The following FRMD4A variants were observed in gnomAD, a reference collection of about 807,000 sequenced individuals.
FRMD4A encodes the protein FERM domain containing 4A.
FRMD4A carries 29 observed loss-of-function variants against 129.1 expected under a neutral mutation model. The ratio of observed to expected loss-of-function variants is 0.22; its 90% CI spans 0.17 to 0.31. The LOEUF (loss-of-function observed/expected upper bound fraction) is 0.31. FRMD4A is among the 10% of genes least tolerant of loss of function. The pLI is 1.00. For synonymous variants in FRMD4A, 634 were observed against 571.6 expected (o/e 1.11, Z -1.56); for missense variants, 1,272 against 1,375.8 (o/e 0.92, Z 1.19).
chr10:13,890,661 G>A, intron 2 of FRMD4A: 2 of 985,372 alleles, frequency 2.0e-6, no homozygotes, highest in Non-Finnish European at 2.4e-6. Context: ...AAAGAAGCCA[G>A]AAACAGCAGT....
At chr10:14,212,871 T>A (rs1447520122) in intron 2 of FRMD4A, among the ~76,000 whole-genome samples, 3 of 152,186 alleles carry the variant, frequency 2.0e-5, no homozygotes, top group Non-Finnish European at 4.4e-5. Context: ...AAGAAGAAAG[T>A]GGAGTAGATT....
At chr10:14,129,957 TG>T (rs1839153661) in intron 2 of FRMD4A, among the ~76,000 whole-genome samples, 1 of 152,168 alleles carries the variant, frequency 6.6e-6, no homozygotes, top group Admixed American at 6.5e-5. Flanking sequence ...TTCCCTGTGG[TG>T]GCCCTCTTGG....
At chr10:14,235,087 C>T (rs1843757754) in intron 2 of FRMD4A, among the ~76,000 whole-genome samples, 3 of 151,954 alleles carry the variant, frequency 2.0e-5, no homozygotes, top group Admixed American at 6.6e-5. Context: ...GTTGTTTGGG[C>T]TGGCACAGTG....
At chr10:14,060,605 G>A in intron 2 of FRMD4A, among the ~76,000 whole-genome samples, 1 of 152,160 alleles carries the variant, frequency 6.6e-6, no homozygotes. Flanking sequence ...TGAACCTCAA[G>A]CAAAGTGCTT....
rs186828800 is a variant in FRMD4A at position 13,811,619 on chromosome 10, C to T, written c.112-711G>A. ...GCCAGTCTAAAGAAGCACACCAGAG[C>T]GTTAGGCATAAAGTCATGGTAGATG... On this transcript the variant is annotated intron_variant, in intron 3 of 24. Transcript: ENST00000357447. Among the ~76,000 whole-genome samples, 455 of 151,002 alleles carry T rather than the reference C, an allele frequency of 3.0e-3. 4 individuals are homozygous for T. Among genetic ancestry groups the T allele is most frequent in the African/African-American group, 0.01 (425 of 41,198 alleles).
At chr10:14,087,542 A>G (rs534401782) in intron 2 of FRMD4A, 1 of 152,234 alleles carries the variant, frequency 6.6e-6, no homozygotes, top group South Asian at 2.1e-4. Context: ...TCTCAGACCC[A>G]CAGAGCCAGT....
chr10:13,990,912 T>G (rs183715369), intron 2 of FRMD4A, among the ~76,000 whole-genome samples: 62 of 151,926 alleles, frequency 4.1e-4, no homozygotes, highest in African/African-American at 1.4e-3. Context: ...TTCTTGAAAA[T>G]TAAACAAATC....
At chr10:14,325,087 C>T (rs983797965) in intron 2 of FRMD4A, among the ~76,000 whole-genome samples, 6 of 152,282 alleles carry the variant, frequency 3.9e-5, no homozygotes, top group Middle Eastern at 3.4e-3. Flanking sequence ...TGAGGACATC[C>T]GGTGGGACAA....
At chr10:13,776,041 C>T (rs1197373950) in intron 6 of FRMD4A, among the ~76,000 whole-genome samples, 1 of 152,166 alleles carries the variant, frequency 6.6e-6, no homozygotes, top group Non-Finnish European at 1.5e-5. Context: ...ATTATGCTAT[C>T]ACCATACTAA....
At chr10:13,676,871 T>C (rs2134740403) in intron 15 of FRMD4A, among the ~76,000 whole-genome samples, 1 of 152,306 alleles carries the variant, frequency 6.6e-6, no homozygotes, top group East Asian at 1.9e-4. Context: ...GCAGGACTTT[T>C]GGTAGGAAGA....
chr10:13,687,225 G>A (rs751494746), intron 15 of FRMD4A, among the ~76,000 whole-genome samples: 1 of 152,182 alleles, frequency 6.6e-6, no homozygotes, highest in Non-Finnish European at 1.5e-5. Context: ...TAACCCGGGA[G>A]GAAGAGGTTG....
At chr10:14,012,259 G>C (rs1045375684) in intron 2 of FRMD4A, among the ~76,000 whole-genome samples, 2 of 152,144 alleles carry the variant, frequency 1.3e-5, no homozygotes, top group Non-Finnish European at 2.9e-5. Flanking sequence ...ACTCTCCGAA[G>C]CTGCTGCTTT....
intron 3 of FRMD4A, among the ~76,000 whole-genome samples, chr10:13,844,113 G>C (rs867655597): frequency 3.7e-4 from 56 of 152,148 alleles, no homozygotes; most frequent in African/African-American, 1.3e-3. Context: ...GCGTATGTGA[G>C]TGTGTATTCA....
intron 2 of FRMD4A, among the ~76,000 whole-genome samples, chr10:14,276,157 G>A (rs1845332752): frequency 3.3e-5 from 5 of 152,134 alleles, no homozygotes; most frequent in African/African-American, 7.2e-5. Flanking sequence ...TTTTCCCACC[G>A]GAAGACAGTA....
intron 2 of FRMD4A, among the ~76,000 whole-genome samples, chr10:14,077,083 C>A (rs1835655248): frequency 6.6e-6 from 1 of 152,130 alleles, no homozygotes; most frequent in Non-Finnish European, 1.5e-5. Context: ...CGTTTTCCAT[C>A]AGGGTCAGCC....
chr10:14,234,278 G>A (rs1475514550), intron 2 of FRMD4A, among the ~76,000 whole-genome samples: 2 of 151,948 alleles, frequency 1.3e-5, no homozygotes, highest in African/African-American at 2.4e-5. Flanking sequence ...TATGTTTCTG[G>A]GTTGGGTTGT....
intron 17 of FRMD4A, 66 bp from the exon 18 acceptor site, chr10:13,666,391 C>T: frequency 9.0e-7 from 1 of 1,112,492 alleles, no homozygotes; most frequent in African/African-American, 1.5e-5. Context: ...TCATCCTTCC[C>T]TCCCCTGTCC....
In FRMD4A at chr10:14,258,051, A is replaced by C. The variant is rs987329497; in HGVS notation, c.45+72007T>G. Among the ~76,000 whole-genome samples, 4 of 152,178 alleles carry C rather than the reference A, an allele frequency of 2.6e-5. No individual in the cohort carries two copies. In the East Asian group the frequency reaches 7.7e-4, roughly 29 times the overall value. On this transcript the variant is annotated intron_variant, in intron 2 of 24. Transcript: ENST00000357447. ...TACACTATATATAAAAATTAACTCAAAACGTGTCATATTCTGGAACACTTT... is the reference window on the plus strand; with the variant it reads ...TACACTATATATAAAAATTAACTCACAACGTGTCATATTCTGGAACACTTT...
chr10:13,644,536 G>A lies in FRMD4A; in HGVS notation c.*2502C>T, dbSNP rs566293879. On this transcript the variant is annotated 3_prime_UTR_variant, in exon 25 of 25. Coordinates refer to ENST00000357447, the MANE Select transcript of FRMD4A (RefSeq NM_018027.5). ...CTCTCCATTTCTCTCTGTCCCCCAA[G>A]TTGAAAATATAACCCAAATCTTTAG... The A allele has an allele frequency of 3.9e-5, 6 of 152,262 alleles. No individual in the cohort carries two copies. The highest frequency in any genetic ancestry group is 1.3e-4 in the Admixed American group (2 of 15,294). The allele number at this position is 152,262 out of a possible 1,614,324, so 9.4% of individuals were successfully genotyped here. A position where few individuals can be genotyped will look rare whatever the true frequency, so the allele number is the denominator to read the frequency against.
Sources: gnomAD v4.1 joint callset for allele counts (sites outside exome capture counted in the v4.1 genomes callset) on GRCh38, gnomAD v4.1.1 for gene constraint, MANE v1.5 for transcripts, NCBI Gene and HGNC (gene_info 2026-07-23, HGNC 2026-07-21) for gene names.